The following MGAT3 variants were observed in gnomAD, a reference collection of about 807,000 sequenced individuals.
MGAT3 encodes beta-1,4-mannosyl-glycoprotein 4-beta-N-acetylglucosaminyltransferase, also known as GlcNAc-T III.
MGAT3 carries 9 observed loss-of-function variants against 29.8 expected under a neutral mutation model. The observed-to-expected ratio is 0.30, with a 90% CI of 0.18 to 0.53. The LOEUF (loss-of-function observed/expected upper bound fraction) is 0.53, where lower values mean the gene tolerates loss of function less well. Among genes scored for constraint, MGAT3 ranks in the 20% least tolerant of loss-of-function variants. The pLI, the probability that MGAT3 is intolerant of heterozygous loss-of-function variation, is 0.96. For synonymous variants in MGAT3, 397 were observed against 348.9 expected, an observed-to-expected ratio of 1.14 and a Z score of -1.54; for missense variants, 557 against 769.5, an observed-to-expected ratio of 0.72 and a Z score of 3.27.
intron 1 of MGAT3, among the ~76,000 whole-genome samples, chr22:39,458,162 G>T (rs959783231): frequency 6.6e-6 from 1 of 152,208 alleles, no homozygotes; most frequent in East Asian, 1.9e-4. Flanking sequence ...GCCCAGGGCG[G>T]GGGAGGGAAC....
intron 1 of MGAT3, among the ~76,000 whole-genome samples, chr22:39,474,757 G>A (rs1314141817): frequency 2.6e-5 from 4 of 152,212 alleles, no homozygotes; most frequent in Non-Finnish European, 5.9e-5. Flanking sequence ...ATTTGCTCTG[G>A]GTGCTTCGGG....
At chr22:39,468,270 A>T (rs542539520) in intron 1 of MGAT3, among the ~76,000 whole-genome samples, 2 of 152,198 alleles carry the variant, frequency 1.3e-5, no homozygotes, top group African/African-American at 4.8e-5. Flanking sequence ...GGCTGCAGGC[A>T]GGTGTGGCCT....
At chr22:39,475,325 A>C (rs909079253) in intron 1 of MGAT3, among the ~76,000 whole-genome samples, 18 of 151,744 alleles carry the variant, frequency 1.2e-4, no homozygotes, top group Non-Finnish European at 2.4e-4. Flanking sequence ...GGGGAGTTCC[A>C]GGGACCTGGC....
At position 39,457,602 on chromosome 22, in the gene MGAT3, C is replaced by CCCCGCGCTG. The variant is rs1471405063; in HGVS notation, c.-2+51_-2+59dup. The CCCCGCGCTG allele has an allele frequency of 1.3e-5, 2 of 149,936 alleles. No individual in the cohort carries two copies. The highest frequency in any genetic ancestry group is 1.3e-4 in the Admixed American group (2 of 15,090). 9.3% of individuals were successfully genotyped at this position (149,936 alleles called of 1,614,324 possible). The stretch of plus-strand genomic sequence containing the variant: ...CTGGGGGGCGCCGCGGCCCCTCTAT[C>CCCCGCGCTG]CCCGCGCTGCCCGCCCTCCCGCGCT... On this transcript the variant is annotated intron_variant, in intron 1 of 1. Coordinates refer to ENST00000341184, the MANE Select transcript of MGAT3 (RefSeq NM_002409.5). This position sits in a 1 kb window ranked among gnomAD's most constrained non-coding sequence, Gnocchi z 6.8.
rs1929460803 is a variant in MGAT3, at chr22:39,491,808, A to G, written c.*2859A>G. ...ATGTGACCACCGGCACACTGCTGCC[A>G]TGTCCCATGTCCACCTTTCTCCCCG... On this transcript the variant is annotated 3_prime_UTR_variant, in exon 2 of 2. Coordinates refer to ENST00000341184, the MANE Select transcript of MGAT3 (RefSeq NM_002409.5). This position sits in a 1 kb window ranked among gnomAD's most constrained non-coding sequence, Gnocchi z 5.5. 1 of 167,138 alleles carries G rather than the reference A, an allele frequency of 6.0e-6. No individual in the cohort carries two copies. Among genetic ancestry groups the G allele is most frequent in the African/African-American group, 2.4e-5 (1 of 41,434 alleles). The allele number at this position is 167,138 out of a possible 1,614,324, so 10.4% of individuals were successfully genotyped here.
Position 39,487,896 on chromosome 22 carries a change from C to T in MGAT3, c.549C>T (p.Gly183=), listed in dbSNP as rs774147106. 1.0e-5 allele frequency: 16 copies of T among 1,584,820 alleles called. No homozygotes were observed. Among genetic ancestry groups the T allele is most frequent in the Admixed American group, 1.7e-5 (1 of 58,150 alleles). Residue 183 remains glycine, a synonymous_variant, in exon 2 of 2, where the codon GGC becomes GGT. Transcript: ENST00000341184. The surrounding 1 kb of genome is among the most constrained non-coding windows in gnomAD (Gnocchi z 5.7). ...CCGGCTGGCACGGACCCAGCTGCGG[C>T]GTGCCCACTGTGGTGCAGTACTCCA... ...CLPGWHGPSC[G]VPTVVQYSNL...
Position 39,487,689 on chromosome 22 carries a change from C to T in MGAT3, c.342C>T (p.Gly114=). The T allele has an allele frequency of 6.3e-7, 1 of 1,593,684 alleles. No individual in the cohort carries two copies. The highest frequency in any genetic ancestry group is 8.5e-7 in the Non-Finnish European group (1 of 1,169,826). The part of the protein sequence containing the change: ...TTEYFVRTKA[G]GVCFKPGTKM... ...AGTATTTCGTGCGCACCAAGGCCGG[C>T]GGCGTCTGCTTCAAACCCGGCACCA... is the stretch of plus-strand genomic sequence containing the variant. The change falls in exon 2 of 2, where the codon GGC becomes GGT. Residue 114 remains glycine (G), a synonymous_variant. Transcript: ENST00000341184. The surrounding 1 kb of genome is among the most constrained non-coding windows in gnomAD (Gnocchi z 5.7).
At chr22:39,480,402 A>T (rs1399015091) in intron 1 of MGAT3, among the ~76,000 whole-genome samples, 2 of 152,190 alleles carry the variant, frequency 1.3e-5, no homozygotes, top group Non-Finnish European at 2.9e-5. Flanking sequence ...GGTCCTAACC[A>T]CAGTGACCCT....
rs754602053 is a variant in MGAT3, at chr22:39,487,326, C to T, written c.-1-21C>T. The T allele has an allele frequency of 2.7e-5, 44 of 1,600,650 alleles. No homozygotes were observed. In the Admixed American group the frequency reaches 5.5e-4, roughly 20 times the overall value. On this transcript the variant is annotated intron_variant, in intron 1 of 1. Transcript: ENST00000341184. The surrounding 1 kb of genome is among the most constrained non-coding windows in gnomAD (Gnocchi z 5.7). The stretch of plus-strand genomic sequence containing the variant: ...AGCCTGGGCTGCCCTGATGAGTCTC[C>T]TGTCTCTCTCTCTCCCGCAGGATGA...
In MGAT3 at chr22:39,488,436, A is replaced by G. The variant is rs549789222; in HGVS notation, c.1089A>G (p.Ser363=). ...WKQPGTLEVV[S]GCTVDMLQAV... is the part of the protein sequence containing the mutation. The stretch of plus-strand genomic sequence containing the variant: ...AGCCGGGCACCCTGGAGGTGGTGTC[A>G]GGCTGCACGGTGGACATGCTGCAGG... The change falls in exon 2 of 2, where the codon TCA becomes TCG. Residue 363 remains serine (S), a synonymous_variant. Transcript: ENST00000341184. 2.2e-5 allele frequency: 35 copies of G among 1,612,814 alleles called. No individual in the cohort carries two copies. In the African/African-American group the frequency reaches 4.3e-4, roughly 20 times the overall value.
rs2145727505 is a variant in MGAT3, at chr22:39,487,228, C to T, written c.-1-119C>T. Reference sequence around the variant, plus strand: ...GGCAGGAGGTCACTCCATGCAGGGGCAGCAGGTGCTGGCCACCACATTGTC... The same window carrying T: ...GGCAGGAGGTCACTCCATGCAGGGGTAGCAGGTGCTGGCCACCACATTGTC... On this transcript the variant is annotated intron_variant, in intron 1 of 1. Coordinates refer to ENST00000341184, the MANE Select transcript of MGAT3 (RefSeq NM_002409.5). This position sits in a 1 kb window ranked among gnomAD's most constrained non-coding sequence, Gnocchi z 5.7. The T allele has an allele frequency of 9.4e-7, 1 of 1,065,436 alleles. No homozygotes were observed. The highest frequency in any genetic ancestry group is 1.4e-6 in the Non-Finnish European group (1 of 734,810). The allele number at this position is 1,065,436 out of a possible 1,614,324, so 66.0% of individuals were successfully genotyped here.
intron 1 of MGAT3, among the ~76,000 whole-genome samples, chr22:39,475,610 C>T (rs753495122): frequency 5.3e-5 from 8 of 152,206 alleles, no homozygotes; most frequent in African/African-American, 9.6e-5. Context: ...CCCTTCATCA[C>T]GGGCCGTCTC....
intron 1 of MGAT3, among the ~76,000 whole-genome samples, chr22:39,469,640 C>T (rs1246757891): frequency 1.3e-5 from 2 of 152,250 alleles, no homozygotes; most frequent in African/African-American, 4.8e-5. Flanking sequence ...ACCCGGGGCA[C>T]AATGCCTGGG....
intron 1 of MGAT3, among the ~76,000 whole-genome samples, chr22:39,478,294 C>T (rs1164559171): frequency 6.6e-6 from 1 of 152,238 alleles, no homozygotes; most frequent in Non-Finnish European, 1.5e-5. Context: ...CTCCAAAATG[C>T]CCCTCATGGA....
At chr22:39,458,439 C>A (rs1476531822) in intron 1 of MGAT3, among the ~76,000 whole-genome samples, 1 of 152,096 alleles carries the variant, frequency 6.6e-6, no homozygotes, top group African/African-American at 2.4e-5. Flanking sequence ...CTGGGACACA[C>A]CAGTCCAGAT....
In MGAT3 at chr22:39,488,229, C is replaced by T. The variant is rs762814594; in HGVS notation, c.882C>T (p.Thr294=). The T allele has an allele frequency of 3.8e-5, 62 of 1,612,164 alleles. No homozygotes were observed. The highest frequency in any genetic ancestry group is 5.1e-5 in the Non-Finnish European group (60 of 1,179,848). Reference sequence around the variant, plus strand: ...GGATCGCCGACGACTACCTGCGCACCTTCCTCACCCAGGACGGCGTCTCGC... The same window carrying T: ...GGATCGCCGACGACTACCTGCGCACTTTCCTCACCCAGGACGGCGTCTCGC... ...DGWIADDYLR[T]FLTQDGVSRL... Residue 294 remains threonine (T), a synonymous_variant, in exon 2 of 2, where the codon ACC becomes ACT. Transcript: ENST00000341184.
chr22:39,477,914 C>G (rs140100748), intron 1 of MGAT3, among the ~76,000 whole-genome samples: 1 of 152,224 alleles, frequency 6.6e-6, no homozygotes, highest in Admixed American at 6.5e-5. Context: ...ACCTCCGTAT[C>G]GTGGAGGGGG....
At chr22:39,485,136 T>G (rs922654388) in intron 1 of MGAT3, among the ~76,000 whole-genome samples, 28 of 152,312 alleles carry the variant, frequency 1.8e-4, no homozygotes, top group Middle Eastern at 6.8e-3. Context: ...GTCTCAGCCT[T>G]TTCTGTGACT....
chr22:39,476,522 T>A (rs1928969354), intron 1 of MGAT3: 1 of 152,282 alleles, frequency 6.6e-6, no homozygotes, highest in Non-Finnish European at 1.5e-5. Context: ...ATGGAGTCTT[T>A]GACCAGGCCT....
Sources: allele counts gnomAD v4.1 joint callset (sites outside exome capture counted in the v4.1 genomes callset), GRCh38; gene constraint gnomAD v4.1.1; non-coding constraint Gnocchi (gnomAD v3.1); transcripts MANE v1.5; gene names NCBI Gene and HGNC (gene_info 2026-07-23, HGNC 2026-07-21).